DYNC2H1: variants seen among roughly 807,000 people sequenced by gnomAD.
DYNC2H1 encodes dynein cytoplasmic 2 heavy chain 1.
Under a neutral mutation model 570.0 loss-of-function variants are expected in DYNC2H1, and 410 were observed. The ratio of observed to expected loss-of-function variants is 0.72; its 90% CI spans 0.66 to 0.78. The LOEUF (loss-of-function observed/expected upper bound fraction) is 0.78, where lower values mean the gene tolerates loss of function less well. Among genes scored for constraint, DYNC2H1 ranks in the 30% least tolerant of loss-of-function variants. DYNC2H1 has a pLI of 0.00. For missense variants in DYNC2H1, 4,865 were observed against 5,046.4 expected (o/e 0.96, Z 1.09); for synonymous variants, 1,688 against 1,677.6 (o/e 1.01, Z -0.15).
At chr11:103,128,117 G>A (rs2134746275) in intron 12 of DYNC2H1, among the ~76,000 whole-genome samples, 1 of 152,308 alleles carries the variant, frequency 6.6e-6, no homozygotes, top group East Asian at 1.9e-4. Flanking sequence ...TGTTAGGTGA[G>A]AATAATAGTA....
rs1864562173 is a variant in DYNC2H1, at chr11:103,245,083, A to T, written c.9919-168A>T. 6.6e-6 allele frequency among the ~76,000 whole-genome samples: 1 copy of T among 151,982 alleles called. No homozygotes were observed. Among genetic ancestry groups the T allele is most frequent in the Non-Finnish European group, 1.5e-5 (1 of 67,954 alleles). On this transcript the variant is annotated intron_variant, in intron 64 of 88. Transcript: ENST00000375735. The surrounding 1 kb of genome is among the most constrained non-coding windows in gnomAD (Gnocchi z 4.5). Reference sequence around the variant, plus strand: ...CCATTCAATGTGTGATTCTGAACATAAGCAGAGTAGGGTTCTTATTAATAC... The same window carrying T: ...CCATTCAATGTGTGATTCTGAACATTAGCAGAGTAGGGTTCTTATTAATAC...
rs537168854 is a variant in DYNC2H1, at chr11:103,388,346, T to C, written c.12157-11317T>C. Among the ~76,000 whole-genome samples the C allele has an allele frequency of 1.6e-3, 250 of 152,350 alleles. 2 individuals carry two copies. Among genetic ancestry groups the C allele is most frequent in the African/African-American group, 5.6e-3 (233 of 41,580 alleles). The stretch of plus-strand genomic sequence containing the variant: ...TAAGAATGCCTGTGATTTTTGCACA[T>C]TGATTTTGTATCCTGAGACTTTGCT... On this transcript the variant is annotated intron_variant, in intron 83 of 88. Transcript: ENST00000375735.
Position 103,192,213 on chromosome 11 carries a change from A to G in DYNC2H1, c.7657A>G (p.Thr2553Ala), listed in dbSNP as rs1465828774. The part of the protein sequence containing the change: ...KELHLFDIIL[T>A]SVFQGDWGSD... ...ACTTCATTTATTTGACATCATTTTA[A>G]CATCAGTGTTTCAAGGAGATTGGGG... Residue 2553 changes from threonine to alanine, a missense_variant, in exon 47 of 89, where the codon ACA (threonine) becomes GCA (alanine). This residue lies in a region of DYNC2H1 where 2,401 missense variants were observed against 2,454.6 expected (regional missense o/e 0.98). Coordinates refer to ENST00000375735, the MANE Select transcript of DYNC2H1 (RefSeq NM_001377.3). 11 of 1,591,388 alleles carry G rather than the reference A, an allele frequency of 6.9e-6. No individual in the cohort carries two copies. Among genetic ancestry groups the G allele is most frequent in the Non-Finnish European group, 9.4e-6 (11 of 1,165,956 alleles).
At chr11:103,190,503 G>A (rs72989767) in intron 45 of DYNC2H1, among the ~76,000 whole-genome samples, 7,278 of 152,254 alleles carry the variant, frequency 0.048, 237 homozygotes, top group Non-Finnish European at 0.069. Flanking sequence ...AGGAGGAGGT[G>A]AAGTTTGATC....
chr11:103,174,267 A>G lies in DYNC2H1; in HGVS notation c.5674+97A>G, dbSNP rs1009166425. The G allele has an allele frequency of 1.4e-5, 14 of 1,013,802 alleles. No individual in the cohort carries two copies. The African/African-American group carries it at 2.1e-4, about 15-fold the overall frequency. 62.8% of individuals were successfully genotyped at this position (1,013,802 alleles called of 1,614,324 possible). A position where few individuals can be genotyped will look rare whatever the true frequency, so the allele number is the denominator to read the frequency against. Reference sequence around the variant, plus strand: ...TTTACAGAAAAGTTGTAGATACAATATTAAGGATTACTGTATACCCTGCCC... The same window carrying G: ...TTTACAGAAAAGTTGTAGATACAATGTTAAGGATTACTGTATACCCTGCCC... On this transcript the variant is annotated intron_variant, in intron 36 of 88. Coordinates refer to ENST00000375735, the MANE Select transcript of DYNC2H1 (RefSeq NM_001377.3).
rs1266929399 is a variant in DYNC2H1, at chr11:103,243,005, CT to C, written c.9820-680del. 6.6e-6 allele frequency among the ~76,000 whole-genome samples: 1 copy of C among 151,818 alleles called. No individual in the cohort carries two copies. The highest frequency in any genetic ancestry group is 3.4e-3 in the Middle Eastern group (1 of 294). Reference sequence around the variant, plus strand: ...AAGCCACCACACCGGGCCTGACTTCCTTTTTTTTAGAATTTAATTAGTGCAG... The same window carrying C: ...AAGCCACCACACCGGGCCTGACTTCCTTTTTTTAGAATTTAATTAGTGCAG... On this transcript the variant is annotated intron_variant, in intron 63 of 88. Coordinates refer to ENST00000375735, the MANE Select transcript of DYNC2H1 (RefSeq NM_001377.3). This position sits in a 1 kb window ranked among gnomAD's most constrained non-coding sequence, Gnocchi z 4.8.
chr11:103,276,067 G>A (rs1022179908), intron 70 of DYNC2H1, among the ~76,000 whole-genome samples: 1 of 152,128 alleles, frequency 6.6e-6, no homozygotes, highest in Non-Finnish European at 1.5e-5. Flanking sequence ...TCTCATAGGT[G>A]TATAGTAGTG....
intron 40 of DYNC2H1, among the ~76,000 whole-genome samples, chr11:103,182,314 A>G (rs1861887696): frequency 6.6e-6 from 1 of 150,950 alleles, no homozygotes; most frequent in Non-Finnish European, 1.5e-5. Context: ...AAATACCTAT[A>G]TATATGTCAC....
At position 103,452,148 on chromosome 11, in the gene DYNC2H1, C is replaced by G. The variant is rs192729056; in HGVS notation, c.12457-3038C>G. Among the ~76,000 whole-genome samples the G allele has an allele frequency of 1.6e-4, 24 of 152,038 alleles. No individual in the cohort carries two copies. The East Asian group carries it at 4.6e-3, about 29-fold the overall frequency. ...TTTTTTCCAAAACAATAGTTTTTCC[C>G]CAGCATAATTGATTGAATAATGTTT... On this transcript the variant is annotated intron_variant, in intron 85 of 88. Coordinates refer to ENST00000375735, the MANE Select transcript of DYNC2H1 (RefSeq NM_001377.3).
At chr11:103,148,740 A>C (rs1860373030) in intron 20 of DYNC2H1, 123 bp downstream of exon 20, 1 of 1,236,146 alleles carries the variant, frequency 8.1e-7, no homozygotes, top group African/African-American at 1.5e-5. Flanking sequence ...GGTCCACAAT[A>C]GTCTGGCTTA....
At chr11:103,386,224 C>A (rs1224766361) in intron 83 of DYNC2H1, among the ~76,000 whole-genome samples, 7 of 152,236 alleles carry the variant, frequency 4.6e-5, no homozygotes, top group African/African-American at 1.7e-4. Flanking sequence ...TTTTGAGCAA[C>A]TGTGAAATAA....
rs149375833 is a variant in DYNC2H1, at chr11:103,112,133, A to G, written c.196-1404A>G. Among the ~76,000 whole-genome samples, 58 of 152,348 alleles carry G rather than the reference A, an allele frequency of 3.8e-4. 1 individual carries two copies. Among genetic ancestry groups the G allele is most frequent in the African/African-American group, 1.4e-3 (58 of 41,580 alleles). The stretch of plus-strand genomic sequence containing the variant: ...AAGCGAGATTTGAATGATGAGTTGC[A>G]GGCAGGCATAACCTGGGGGAAGAGT... On this transcript the variant is annotated intron_variant, in intron 1 of 88. Transcript: ENST00000375735.
intron 31 of DYNC2H1, among the ~76,000 whole-genome samples, chr11:103,166,838 T>G (rs1426463138): frequency 6.6e-6 from 1 of 152,090 alleles, no homozygotes. Flanking sequence ...AGCTTCAATC[T>G]GTACATTTGT....
chr11:103,309,366 T>TC (rs1370193107), intron 78 of DYNC2H1, among the ~76,000 whole-genome samples: 1 of 150,138 alleles, frequency 6.7e-6, no homozygotes, highest in Admixed American at 6.7e-5. Flanking sequence ...CTTTTTTTTT[T>TC]TCTTTTTTTT....
Position 103,395,492 on chromosome 11 carries a change from TACAC to T in DYNC2H1, c.12157-4150_12157-4147del, listed in dbSNP as rs35986938. On this transcript the variant is annotated intron_variant, in intron 83 of 88. Transcript: ENST00000375735. The surrounding 1 kb of genome is among the most constrained non-coding windows in gnomAD (Gnocchi z 4.3). ...TATCATATATATATTTATGTATATG[TACAC>T]ACACACACACACACACACACTTCTC... Among the ~76,000 whole-genome samples, 5,949 of 149,668 alleles carry T rather than the reference TACAC, an allele frequency of 0.04. 231 individuals carry two copies. Among genetic ancestry groups the T allele is most frequent in the African/African-American group, 0.097 (3,946 of 40,786 alleles).
At chr11:103,400,080 A>G (rs1382485157) in intron 84 of DYNC2H1, among the ~76,000 whole-genome samples, 1 of 152,224 alleles carries the variant, frequency 6.6e-6, no homozygotes, top group Non-Finnish European at 1.5e-5. Flanking sequence ...TTAAATTGTC[A>G]TTAGCATGTC....
intron 1 of DYNC2H1, among the ~76,000 whole-genome samples, chr11:103,110,128 A>C (rs1316165057): frequency 1.3e-5 from 2 of 152,214 alleles, no homozygotes; most frequent in East Asian, 3.9e-4. Context: ...TCCTGAGTTC[A>C]AGCGATTCTC....
intron 84 of DYNC2H1, among the ~76,000 whole-genome samples, chr11:103,420,397 A>G (rs1382589643): frequency 6.6e-6 from 1 of 152,190 alleles, no homozygotes; most frequent in Non-Finnish European, 1.5e-5. Flanking sequence ...GATACTCTAC[A>G]AGAAGATCAA....
chr11:103,434,890 G>A (rs1050625448), intron 84 of DYNC2H1, among the ~76,000 whole-genome samples: 2 of 151,994 alleles, frequency 1.3e-5, no homozygotes, highest in African/African-American at 4.8e-5. Context: ...TCGAAAGGCA[G>A]GAAATATAAG....
Sources: allele counts gnomAD v4.1 joint callset (sites outside exome capture counted in the v4.1 genomes callset), GRCh38; gene constraint gnomAD v4.1.1; regional missense constraint gnomAD v4.1.1; non-coding constraint Gnocchi (gnomAD v3.1); transcripts MANE v1.5; gene names NCBI Gene and HGNC (gene_info 2026-07-23, HGNC 2026-07-21).